Variants in HS3ST4 observed in about 807,000 individuals in gnomAD.
HS3ST4 encodes heparan sulfate glucosamine 3-O-sulfotransferase 4.
In HS3ST4, 17 loss-of-function variants were observed where a neutral mutation model predicts 29.2. The observed-to-expected ratio is 0.58, with a 90% CI of 0.40 to 0.87. The LOEUF (loss-of-function observed/expected upper bound fraction) is 0.87. Among genes scored for constraint, HS3ST4 ranks in the 40% least tolerant of loss-of-function variants. HS3ST4 has a pLI of 0.00. For missense variants in HS3ST4, 627 were observed against 634.5 expected (o/e 0.99, Z 0.13); for synonymous variants, 314 against 285.7 (o/e 1.10, Z -1.00).
chr16:25,708,325 C>G (rs1966390092), intron 1 of HS3ST4, among the ~76,000 whole-genome samples: 1 of 152,146 alleles, frequency 6.6e-6, no homozygotes, highest in Non-Finnish European at 1.5e-5. Context: ...ATAAAATATT[C>G]ACTTTCAGTA....
chr16:26,087,394 G>A (rs1019282443), intron 1 of HS3ST4, among the ~76,000 whole-genome samples: 1 of 152,150 alleles, frequency 6.6e-6, no homozygotes, highest in Admixed American at 6.5e-5. Flanking sequence ...GGACAAGCTG[G>A]CATTGGGATT....
In HS3ST4 at chr16:25,692,928, C is replaced by T. The variant is rs769111006; in HGVS notation, c.511C>T (p.Leu171Phe). Residue 171 changes from leucine (L) to phenylalanine (F), a missense_variant, in exon 1 of 2, where the codon CTC (leucine) becomes TTC (phenylalanine). Physicochemically the swap from Leu to Phe is conservative, Grantham distance 22. This residue lies in a region of HS3ST4 where 402 missense variants were observed against 340.8 expected (regional missense o/e 1.18). Transcript: ENST00000331351. ...GGAGTCCAGCACCACCGACGAGGATCTCGCAGGCCGGAGAGCGGCCAACGG... is the reference window on the plus strand; with the variant it reads ...GGAGTCCAGCACCACCGACGAGGATTTCGCAGGCCGGAGAGCGGCCAACGG... ...AQESSTTDED[L>F]AGRRAANGSS... 3 of 1,605,654 alleles carry T rather than the reference C, an allele frequency of 1.9e-6. No homozygotes were observed. The highest frequency in any genetic ancestry group is 3.4e-5 in the Admixed American group (2 of 58,980).
At chr16:25,729,590 C>A (rs74014828) in intron 1 of HS3ST4, among the ~76,000 whole-genome samples, 1 of 152,158 alleles carries the variant, frequency 6.6e-6, no homozygotes, top group African/African-American at 2.4e-5. Context: ...ATTAGTGATG[C>A]CTTGTATTGT....
At chr16:26,046,818 C>CAGT (rs1275574666) in intron 1 of HS3ST4, among the ~76,000 whole-genome samples, 2 of 152,126 alleles carry the variant, frequency 1.3e-5, no homozygotes, top group Non-Finnish European at 2.9e-5. Context: ...TTAATCTGCA[C>CAGT]AGTAACCCTC....
chr16:26,020,627 T>A (rs1246709886), intron 1 of HS3ST4, among the ~76,000 whole-genome samples: 1 of 152,180 alleles, frequency 6.6e-6, no homozygotes, highest in Non-Finnish European at 1.5e-5. Context: ...GAAACACACT[T>A]TGAGAACCTC....
intron 1 of HS3ST4, among the ~76,000 whole-genome samples, chr16:25,999,864 TTATATATTTTATATATATTATATA>T (rs1479357244): frequency 1.9e-4 from 25 of 129,166 alleles, no homozygotes; most frequent in African/African-American, 7.1e-4. Flanking sequence ...TATATATATA[TTATATATTTTATATATATTATATA>T]TATATATTTT....
At chr16:25,891,258 GA>G (rs749851171) in intron 1 of HS3ST4, among the ~76,000 whole-genome samples, 3 of 152,178 alleles carry the variant, frequency 2.0e-5, no homozygotes, top group Non-Finnish European at 4.4e-5. Flanking sequence ...GATAGGAGAT[GA>G]TATTCCAGTT....
At chr16:25,814,375 C>T (rs1218950074) in intron 1 of HS3ST4, among the ~76,000 whole-genome samples, 1 of 151,822 alleles carries the variant, frequency 6.6e-6, no homozygotes, top group African/African-American at 2.4e-5. Flanking sequence ...GAGATGGAGT[C>T]TCACTCTGTC....
At chr16:26,058,612 T>C (rs1279027898) in intron 1 of HS3ST4, among the ~76,000 whole-genome samples, 1 of 152,192 alleles carries the variant, frequency 6.6e-6, no homozygotes, top group African/African-American at 2.4e-5. Context: ...TGGCCAGTGC[T>C]AAAGAATTAC....
intron 1 of HS3ST4, among the ~76,000 whole-genome samples, chr16:25,941,799 A>G (rs1221464952): frequency 6.6e-6 from 1 of 151,076 alleles, no homozygotes; most frequent in African/African-American, 2.4e-5. Flanking sequence ...GTTGGTCTCA[A>G]TCTTCTGACC....
intron 1 of HS3ST4, among the ~76,000 whole-genome samples, chr16:25,752,737 G>A (rs886847723): frequency 1.3e-5 from 2 of 152,234 alleles, no homozygotes; most frequent in South Asian, 2.1e-4. Flanking sequence ...TTATTTCCCC[G>A]ATAGGTCTGC....
At chr16:25,857,919 C>CTTTCTTTCTTTCTTTCTTTCTTT (rs1555469154) in intron 1 of HS3ST4, among the ~76,000 whole-genome samples, 1 of 58,096 alleles carries the variant, frequency 1.7e-5, no homozygotes, top group Non-Finnish European at 3.6e-5. Context: ...TTCCTTCCTT[C>CTTTCTTTCTTTCTTTCTTTCTTT]CTTTCTTTCT....
At chr16:25,876,323 G>T (rs1967832886) in intron 1 of HS3ST4, among the ~76,000 whole-genome samples, 1 of 152,150 alleles carries the variant, frequency 6.6e-6, no homozygotes, top group Non-Finnish European at 1.5e-5. Flanking sequence ...ACATAATGAA[G>T]GTCCATGGGT....
At chr16:25,890,749 A>C (rs1475465217) in intron 1 of HS3ST4, among the ~76,000 whole-genome samples, 1 of 152,194 alleles carries the variant, frequency 6.6e-6, no homozygotes, top group East Asian at 1.9e-4. Flanking sequence ...TCATTTGCAT[A>C]ATAGGGTCAA....
intron 1 of HS3ST4, among the ~76,000 whole-genome samples, chr16:25,961,932 G>A (rs1168807790): frequency 6.6e-6 from 1 of 152,166 alleles, no homozygotes; most frequent in Admixed American, 6.5e-5. Flanking sequence ...CATTTTCTCT[G>A]AAACTGTGAA....
In HS3ST4 at chr16:25,824,234, C is replaced by A. The variant is rs9934581; in HGVS notation, c.734+131083C>A. Among the ~76,000 whole-genome samples, 337 of 152,280 alleles carry A rather than the reference C, an allele frequency of 2.2e-3. 3 individuals are homozygous for A. The highest frequency in any genetic ancestry group is 7.4e-3 in the African/African-American group (308 of 41,552). ...AGGATACCTCCAGGGAGAACCAAGA[C>A]CTGGCCTGAATACTCAATGAGCAAA... On this transcript the variant is annotated intron_variant, in intron 1 of 1. Coordinates refer to ENST00000331351, the MANE Select transcript of HS3ST4 (RefSeq NM_006040.3).
Position 26,126,834 on chromosome 16 carries a change from G to A in HS3ST4, c.735-8778G>A, listed in dbSNP as rs1251855718. On this transcript the variant is annotated intron_variant, in intron 1 of 1. Coordinates refer to ENST00000331351, the MANE Select transcript of HS3ST4 (RefSeq NM_006040.3). ...ATCCCAGAATGTTGACAGTGCTGAA[G>A]TTAAGAAACCCTAGGTAAGACCTAG... Among the ~76,000 whole-genome samples the A allele has an allele frequency of 3.9e-5, 6 of 152,200 alleles. No homozygotes were observed. In the East Asian group the frequency reaches 7.7e-4, roughly 20 times the overall value.
intron 1 of HS3ST4, among the ~76,000 whole-genome samples, chr16:25,744,138 C>T (rs1233481516): frequency 6.6e-6 from 1 of 152,178 alleles, no homozygotes; most frequent in Admixed American, 6.5e-5. Context: ...CTTCTCTGTT[C>T]CTTATCGTCT....
intron 1 of HS3ST4, among the ~76,000 whole-genome samples, chr16:25,698,829 C>G (rs1966316164): frequency 1.3e-5 from 2 of 152,288 alleles, no homozygotes; most frequent in South Asian, 4.1e-4. Context: ...GAAGGTCACA[C>G]AACTTCAGGG....
Sources: gnomAD v4.1 joint callset for allele counts (sites outside exome capture counted in the v4.1 genomes callset) on GRCh38, gnomAD v4.1.1 for gene constraint, gnomAD v4.1.1 regional missense constraint, MANE v1.5 for transcripts, NCBI Gene and HGNC (gene_info 2026-07-23, HGNC 2026-07-21) for gene names.